Variants in NTM observed in about 807,000 individuals in gnomAD.
NTM encodes the protein IgLON family member 2.
Under a neutral mutation model 42.1 loss-of-function variants are expected in NTM, and 13 were observed. That is an observed-to-expected ratio of 0.31 (90% CI 0.20 to 0.49). NTM has a LOEUF of 0.49. NTM is among the 20% of genes least tolerant of loss of function. NTM has a pLI of 0.99. For synonymous variants in NTM, 187 were observed against 179.2 expected (o/e 1.04, Z -0.35); for missense variants, 373 against 452.8 (o/e 0.82, Z 1.60).
intron 1 of NTM, among the ~76,000 whole-genome samples, chr11:131,674,332 G>T (rs2070974512): frequency 1.3e-5 from 2 of 152,236 alleles, no homozygotes; most frequent in African/African-American, 4.8e-5. Flanking sequence ...TGTCATTCTT[G>T]AAAAGGAGAG....
chr11:131,900,561 G>A (rs2052999818), intron 1 of NTM, among the ~76,000 whole-genome samples: 1 of 152,172 alleles, frequency 6.6e-6, no homozygotes, highest in African/African-American at 2.4e-5. Flanking sequence ...CTTGGCTTGG[G>A]CCAGGCAAGG....
chr11:132,021,025 A>T (rs2074252417), intron 2 of NTM, among the ~76,000 whole-genome samples: 1 of 151,898 alleles, frequency 6.6e-6, no homozygotes. Context: ...TCCCATTATT[A>T]TATATGCTGG....
intron 1 of NTM, among the ~76,000 whole-genome samples, chr11:131,709,898 A>G (rs375751025): frequency 6.6e-5 from 10 of 152,162 alleles, no homozygotes; most frequent in African/African-American, 2.4e-4. Flanking sequence ...CTCGTGATGG[A>G]AGGAAAAAAT....
intron 1 of NTM, among the ~76,000 whole-genome samples, chr11:131,691,884 C>A (rs965080561): frequency 6.6e-6 from 1 of 152,158 alleles, no homozygotes; most frequent in Admixed American, 6.5e-5. Context: ...GACTGCTGGG[C>A]GAGGTAAATA....
At chr11:131,911,417 T>A in intron 1 of NTM, 147 bp from the exon 2 acceptor site, 1 of 1,606,074 alleles carries the variant, frequency 6.2e-7, no homozygotes, top group Non-Finnish European at 8.5e-7. Flanking sequence ...ACCCACTTCC[T>A]GTGCTCGCCC....
At chr11:131,859,379 T>C (rs2046403124) in intron 1 of NTM, among the ~76,000 whole-genome samples, 1 of 152,206 alleles carries the variant, frequency 6.6e-6, no homozygotes. Context: ...TTGGTACGGT[T>C]GACTTTCCCG....
At chr11:132,021,189 T>A (rs2074273997) in intron 2 of NTM, among the ~76,000 whole-genome samples, 1 of 152,202 alleles carries the variant, frequency 6.6e-6, no homozygotes, top group South Asian at 2.1e-4. Flanking sequence ...ATTTTCTCAT[T>A]GTACTTTTTG....
At chr11:132,211,680 C>G (rs188634699) in intron 3 of NTM, 2 of 204,988 alleles carry the variant, frequency 9.8e-6, no homozygotes, top group African/African-American at 4.8e-5. Flanking sequence ...TTCAAGACAT[C>G]GCTGAATGCA....
At chr11:131,507,060 T>G (rs979820974) in intron 1 of NTM, among the ~76,000 whole-genome samples, 1 of 152,230 alleles carries the variant, frequency 6.6e-6, no homozygotes, top group African/African-American at 2.4e-5. Flanking sequence ...GTACACTGTT[T>G]ACAGACAACC....
intron 1 of NTM, among the ~76,000 whole-genome samples, chr11:131,527,138 A>G (rs1210251737): frequency 6.6e-6 from 1 of 152,160 alleles, no homozygotes; most frequent in Non-Finnish European, 1.5e-5. Flanking sequence ...ACCTATGTGT[A>G]ACCCCCCTGG....
chr11:131,899,253 A>G (rs925442609), intron 1 of NTM, among the ~76,000 whole-genome samples: 4 of 152,176 alleles, frequency 2.6e-5, no homozygotes, highest in African/African-American at 9.7e-5. Flanking sequence ...TACATGGAGG[A>G]AACAGCCAAG....
intron 2 of NTM, among the ~76,000 whole-genome samples, chr11:132,138,037 A>G (rs1185978487): frequency 6.6e-6 from 1 of 152,102 alleles, no homozygotes; most frequent in African/African-American, 2.4e-5. Context: ...TGCTTTGCTC[A>G]TGCTCCTCCT....
At chr11:131,637,594 A>G (rs1001564639) in intron 1 of NTM, among the ~76,000 whole-genome samples, 1 of 151,428 alleles carries the variant, frequency 6.6e-6, no homozygotes, top group African/African-American at 2.4e-5. Flanking sequence ...AAGGCTGATA[A>G]GTGGCAACTA....
rs576869512 is a variant in NTM, at chr11:132,118,196, C to CT, written c.168-28076dup. Among the ~76,000 whole-genome samples the CT allele has an allele frequency of 9.0e-3, 1,345 of 149,062 alleles. 7 individuals are homozygous for CT. Among genetic ancestry groups the CT allele is most frequent in the Middle Eastern group, 0.038 (11 of 290 alleles). ...TAAAAGCGTAAGTTGAGCAGATAAGCTTTTTTTTTTAACTTCCCTATTCTA... is the reference window on the plus strand; with the variant it reads ...TAAAAGCGTAAGTTGAGCAGATAAGCTTTTTTTTTTTAACTTCCCTATTCTA... On this transcript the variant is annotated intron_variant, in intron 2 of 8. Coordinates refer to ENST00000683400, the MANE Select transcript of NTM (RefSeq NM_001352005.2).
At chr11:131,691,767 A>C (rs995017812) in intron 1 of NTM, among the ~76,000 whole-genome samples, 1 of 152,290 alleles carries the variant, frequency 6.6e-6, no homozygotes, top group South Asian at 2.1e-4. Context: ...GGCTGGGCGC[A>C]GCGGTCCCGG....
chr11:132,325,619 G>T (rs1285783057), intron 7 of NTM, among the ~76,000 whole-genome samples: 5 of 152,132 alleles, frequency 3.3e-5, no homozygotes, highest in African/African-American at 1.2e-4. Context: ...CGATTCCTCA[G>T]GGATCTAGAA....
At chr11:131,486,012 T>C (rs1954135280) in intron 1 of NTM, among the ~76,000 whole-genome samples, 1 of 152,090 alleles carries the variant, frequency 6.6e-6, no homozygotes, top group South Asian at 2.1e-4. Context: ...CTGACAGAGT[T>C]GTCGTGAGGT....
At chr11:131,620,354 C>A (rs958595821) in intron 1 of NTM, among the ~76,000 whole-genome samples, 4 of 152,182 alleles carry the variant, frequency 2.6e-5, no homozygotes, top group Non-Finnish European at 4.4e-5. Context: ...CATCTCCCTT[C>A]CTATTCACTA....
At chr11:131,449,969 G>A (rs551115921) in intron 1 of NTM, among the ~76,000 whole-genome samples, 6 of 152,094 alleles carry the variant, frequency 3.9e-5, no homozygotes, top group Non-Finnish European at 8.8e-5. Context: ...TGGATTAGGA[G>A]ACCTGGAATC....
Sources: allele counts gnomAD v4.1 joint callset (sites outside exome capture counted in the v4.1 genomes callset), GRCh38; gene constraint gnomAD v4.1.1; transcripts MANE v1.5; gene names NCBI Gene and HGNC (gene_info 2026-07-23, HGNC 2026-07-21).